Variants in SPMIP2 observed in about 807,000 individuals in gnomAD.
SPMIP2 encodes the protein protein SPMIP2.
chr4:159,033,255 G>A, the SPMIP2 span, among the ~76,000 whole-genome samples: 1 of 151,898 alleles, frequency 6.6e-6, no homozygotes, highest in Non-Finnish European at 1.5e-5. Flanking sequence ...GCAAAACTGT[G>A]GAGACAGTGA....
the SPMIP2 span, among the ~76,000 whole-genome samples, chr4:158,976,829 T>C: frequency 3.3e-5 from 5 of 151,876 alleles, no homozygotes; most frequent in African/African-American, 1.2e-4. Flanking sequence ...GCCCAGCTAA[T>C]TTTTCTATTT....
chr4:158,978,286 G>A, the SPMIP2 span, among the ~76,000 whole-genome samples: 2 of 152,218 alleles, frequency 1.3e-5, no homozygotes, highest in Non-Finnish European at 2.9e-5. Flanking sequence ...CTGAGAGACT[G>A]TTATGATTTC....
the SPMIP2 span, among the ~76,000 whole-genome samples, chr4:159,070,015 C>T: frequency 2.6e-5 from 4 of 151,866 alleles, no homozygotes; most frequent in African/African-American, 4.8e-5. Flanking sequence ...GACTAGTAAC[C>T]TCTCGCAAAG....
the SPMIP2 span, among the ~76,000 whole-genome samples, chr4:158,990,391 G>T: frequency 6.6e-6 from 1 of 152,150 alleles, no homozygotes; most frequent in Admixed American, 6.5e-5. Context: ...ATCCCCAAAG[G>T]ATTATAAATC....
At chr4:159,020,177 C>G in the SPMIP2 span, among the ~76,000 whole-genome samples, 2 of 151,744 alleles carry the variant, frequency 1.3e-5, no homozygotes, top group East Asian at 3.9e-4. Context: ...AATAATGTAA[C>G]TAGAGACTAA....
chr4:159,061,896 T>C, the SPMIP2 span, among the ~76,000 whole-genome samples: 1 of 150,822 alleles, frequency 6.6e-6, no homozygotes, highest in Non-Finnish European at 1.5e-5. Flanking sequence ...ACTGCGAATG[T>C]CTTATCCCTG....
chr4:159,071,227 T>C, the SPMIP2 span, among the ~76,000 whole-genome samples: 1 of 152,184 alleles, frequency 6.6e-6, no homozygotes, highest in Non-Finnish European at 1.5e-5. Flanking sequence ...ATTTAAAAAA[T>C]GGATCTGAGT....
At chr4:159,028,728 C>T in the SPMIP2 span, among the ~76,000 whole-genome samples, 1 of 152,172 alleles carries the variant, frequency 6.6e-6, no homozygotes, top group Non-Finnish European at 1.5e-5. Flanking sequence ...TATAACCATG[C>T]TCTAAAGTAG....
the SPMIP2 span, among the ~76,000 whole-genome samples, chr4:158,996,644 C>T: frequency 1.3e-5 from 2 of 152,182 alleles, no homozygotes; most frequent in African/African-American, 2.4e-5. Context: ...ATGATGTCTT[C>T]GGAATCACAG....
chr4:158,923,335 T>C, the SPMIP2 span, among the ~76,000 whole-genome samples: 9 of 152,218 alleles, frequency 5.9e-5, no homozygotes, highest in Non-Finnish European at 4.4e-5. Flanking sequence ...TCTGTAGATC[T>C]ATTTAGGGAA....
At chr4:159,060,286 G>T in the SPMIP2 span, among the ~76,000 whole-genome samples, 1 of 152,140 alleles carries the variant, frequency 6.6e-6, no homozygotes, top group Non-Finnish European at 1.5e-5. Context: ...GTGGGGAGGG[G>T]AGCAGCACTG....
chr4:159,031,267 A>G, the SPMIP2 span, among the ~76,000 whole-genome samples: 1 of 152,190 alleles, frequency 6.6e-6, no homozygotes, highest in Non-Finnish European at 1.5e-5. Flanking sequence ...CTGCAGTACC[A>G]TCTAAGACAT....
chr4:159,032,495 T>G, the SPMIP2 span, among the ~76,000 whole-genome samples: 1 of 152,216 alleles, frequency 6.6e-6, no homozygotes, highest in Non-Finnish European at 1.5e-5. Context: ...GGCAGAAATC[T>G]ATCAAAGGTG....
the SPMIP2 span, among the ~76,000 whole-genome samples, chr4:158,986,478 C>T: frequency 6.6e-6 from 1 of 151,472 alleles, no homozygotes; most frequent in African/African-American, 2.4e-5. Context: ...AGAAATAACA[C>T]CGCATATCTA....
the SPMIP2 span, among the ~76,000 whole-genome samples, chr4:159,001,784 G>T: frequency 2.0e-5 from 3 of 152,220 alleles, no homozygotes; most frequent in Non-Finnish European, 4.4e-5. Flanking sequence ...CTTTGCTATT[G>T]TGAGTAGTGC....
chr4:158,938,905 T>C, the SPMIP2 span, among the ~76,000 whole-genome samples: 1 of 152,240 alleles, frequency 6.6e-6, no homozygotes, highest in African/African-American at 2.4e-5. Context: ...TGTGGCCTAT[T>C]AGATCATCTA....
At chr4:158,943,501 C>T in the SPMIP2 span, among the ~76,000 whole-genome samples, 1 of 152,260 alleles carries the variant, frequency 6.6e-6, no homozygotes, top group South Asian at 2.1e-4. Context: ...TTTTACAAGA[C>T]TTCATAGACC....
At chr4:158,934,408 G>A in the SPMIP2 span, among the ~76,000 whole-genome samples, 1 of 152,300 alleles carries the variant, frequency 6.6e-6, no homozygotes, top group South Asian at 2.1e-4. Context: ...GTTGCAGTGA[G>A]CCAAGATCGT....
At chr4:158,929,008 C>T in the SPMIP2 span, among the ~76,000 whole-genome samples, 4 of 152,288 alleles carry the variant, frequency 2.6e-5, no homozygotes, top group South Asian at 2.1e-4. Context: ...TCACTGCGAG[C>T]GTCCGAGCGT....
Sources: gnomAD v4.1 joint callset for allele counts (sites outside exome capture counted in the v4.1 genomes callset) on GRCh38, gnomAD v4.1.1 for gene constraint, MANE v1.5 for transcripts, NCBI Gene and HGNC (gene_info 2026-07-23, HGNC 2026-07-21) for gene names.